Variants in DACH1 observed in about 807,000 individuals in gnomAD.
DACH1 encodes dachshund family transcription factor 1.
A neutral mutation model predicts 54.2 loss-of-function variants in DACH1; 12 were observed. The observed-to-expected ratio is 0.22, with a 90% confidence interval of 0.14 to 0.36. DACH1 has a LOEUF of 0.36. Ranked by LOEUF, DACH1 falls within the 10% of genes least tolerant of loss-of-function variation. DACH1 has a pLI of 1.00. For synonymous variants in DACH1, 386 were observed against 366.2 expected (o/e 1.05, Z -0.62); for missense variants, 805 against 929.8 (o/e 0.87, Z 1.75).
In DACH1 at chr13:71,805,066, C is replaced by A. The variant is rs548557295; in HGVS notation, c.848+60856G>T. ...TTTAGCTCTTCAATTATACTTGCCACATTTCAAGTGCTCAATACTCACATG... is the reference window on the plus strand; with the variant it reads ...TTTAGCTCTTCAATTATACTTGCCAAATTTCAAGTGCTCAATACTCACATG... On this transcript the variant is annotated intron_variant, in intron 1 of 10. Coordinates refer to ENST00000613252, the MANE Select transcript of DACH1 (RefSeq NM_080759.6). Among the ~76,000 whole-genome samples, 8 of 152,266 alleles carry A rather than the reference C, an allele frequency of 5.3e-5. No homozygotes were observed. The East Asian group carries it at 1.5e-3, about 29-fold the overall frequency.
intron 1 of DACH1, among the ~76,000 whole-genome samples, chr13:71,702,666 T>A (rs980644640): frequency 6.6e-6 from 1 of 152,104 alleles, no homozygotes; most frequent in Non-Finnish European, 1.5e-5. Flanking sequence ...AAACACATGA[T>A]AATAATTATC....
intron 1 of DACH1, among the ~76,000 whole-genome samples, chr13:71,836,970 G>C (rs2057587): frequency 0.064 from 9,689 of 151,768 alleles, 1,017 homozygotes; most frequent in African/African-American, 0.22. Flanking sequence ...AATATGCATT[G>C]AGTAGATAAA....
intron 1 of DACH1, among the ~76,000 whole-genome samples, chr13:71,809,738 A>G (rs1309474823): frequency 6.6e-6 from 1 of 152,182 alleles, no homozygotes; most frequent in Non-Finnish European, 1.5e-5. Context: ...ATTCTTCAAT[A>G]CCAGAACTAC....
chr13:71,621,940 T>C (rs1876275817), intron 3 of DACH1, among the ~76,000 whole-genome samples: 1 of 152,070 alleles, frequency 6.6e-6, no homozygotes, highest in South Asian at 2.1e-4. Flanking sequence ...TGTGTTTCCA[T>C]TATGACCTGC....
chr13:71,656,114 C>T (rs1736361534), intron 2 of DACH1, among the ~76,000 whole-genome samples: 1 of 152,084 alleles, frequency 6.6e-6, no homozygotes, highest in African/African-American at 2.4e-5. Context: ...ACTGGTCTTG[C>T]GTCTTTTTTT....
chr13:71,524,642 TA>T (rs879445202), intron 6 of DACH1, among the ~76,000 whole-genome samples: 2 of 151,950 alleles, frequency 1.3e-5, no homozygotes, highest in African/African-American at 4.8e-5. Flanking sequence ...ATGACAGAAA[TA>T]AAAAAAATGA....
intron 2 of DACH1, among the ~76,000 whole-genome samples, chr13:71,667,021 T>C (rs899812092): frequency 6.6e-6 from 1 of 151,970 alleles, no homozygotes; most frequent in African/African-American, 2.4e-5. Flanking sequence ...ATGAAGCAGC[T>C]GCAGATGTCA....
rs1468940569 is a variant in DACH1, at chr13:71,529,788, A to ATATTT, written c.1570+27231_1570+27235dup. ...CAAACAACCTCCATGTTGTTTGTGA[A>ATATTT]TATTTTATTTTTATTTTTGCCAAAG... On this transcript the variant is annotated intron_variant, in intron 6 of 10. Transcript: ENST00000613252. Among the ~76,000 whole-genome samples, 7 of 152,188 alleles carry ATATTT rather than the reference A, an allele frequency of 4.6e-5. No homozygotes were observed. In the East Asian group the frequency reaches 1.4e-3, roughly 29 times the overall value.
At chr13:71,639,516 CA>C (rs1222877797) in intron 2 of DACH1, among the ~76,000 whole-genome samples, 5 of 151,934 alleles carry the variant, frequency 3.3e-5, no homozygotes, top group African/African-American at 9.6e-5. Flanking sequence ...CTAACAACAA[CA>C]AAAAAACCCC....
At chr13:71,832,185 A>G (rs936366609) in intron 1 of DACH1, among the ~76,000 whole-genome samples, 18 of 152,108 alleles carry the variant, frequency 1.2e-4, no homozygotes, top group Admixed American at 9.2e-4. Context: ...CTAAATCCTG[A>G]CAAAGAGAAG....
At position 71,573,578 on chromosome 13, in the gene DACH1, G is replaced by T. The variant is rs1195121452; in HGVS notation, c.1127-566C>A. On this transcript the variant is annotated intron_variant, in intron 3 of 10. Transcript: ENST00000613252. ...CCCAGGAACCATCACTGCTGCCTGT[G>T]GGGAATGAATATAAATTACTTGGAT... is the stretch of plus-strand genomic sequence containing the variant. 3 of 525,652 alleles carry T rather than the reference G, an allele frequency of 5.7e-6. No individual in the cohort carries two copies. The African/African-American group carries it at 6.0e-5, about 11-fold the overall frequency. The allele number at this position is 525,652 out of a possible 1,614,324, so 32.6% of individuals were successfully genotyped here.
At chr13:71,604,306 A>C (rs1874722289) in intron 3 of DACH1, among the ~76,000 whole-genome samples, 1 of 152,014 alleles carries the variant, frequency 6.6e-6, no homozygotes, top group Non-Finnish European at 1.5e-5. Context: ...ATAAACATCA[A>C]ATCAAGTGAT....
intron 1 of DACH1, among the ~76,000 whole-genome samples, chr13:71,722,536 T>C (rs1288481333): frequency 1.3e-5 from 2 of 152,146 alleles, no homozygotes; most frequent in Non-Finnish European, 2.9e-5. Context: ...ACTTGAAAAC[T>C]ATCATCATAG....
chr13:71,843,057 C>T (rs1315434352), intron 1 of DACH1, among the ~76,000 whole-genome samples: 3 of 152,082 alleles, frequency 2.0e-5, no homozygotes, highest in African/African-American at 7.2e-5. Context: ...TGCTATCCTG[C>T]ATTATCTGAA....
chr13:71,779,106 TATATAC>T (rs1886196367), intron 1 of DACH1, among the ~76,000 whole-genome samples: 3 of 133,888 alleles, frequency 2.2e-5, no homozygotes, highest in African/African-American at 8.4e-5. Context: ...TGAATATATA[TATATAC>T]ATATATACAC....
chr13:71,670,546 C>T (rs1880146779), intron 2 of DACH1, among the ~76,000 whole-genome samples: 1 of 151,978 alleles, frequency 6.6e-6, no homozygotes, highest in Non-Finnish European at 1.5e-5. Context: ...CATTTCATAA[C>T]CAAATTTCAG....
chr13:71,769,631 G>A (rs1885772485), intron 1 of DACH1, among the ~76,000 whole-genome samples: 1 of 151,572 alleles, frequency 6.6e-6, no homozygotes, highest in Admixed American at 6.6e-5. Flanking sequence ...AAATCATCAA[G>A]TTATCAGCAT....
intron 2 of DACH1, among the ~76,000 whole-genome samples, chr13:71,668,333 T>C (rs181117841): frequency 8.5e-4 from 129 of 152,270 alleles, no homozygotes; most frequent in Non-Finnish European, 1.6e-3. Flanking sequence ...CCTGAAATTA[T>C]ATCCTTACAT....
At chr13:71,622,288 C>T (rs1876304315) in intron 3 of DACH1, among the ~76,000 whole-genome samples, 3 of 151,894 alleles carry the variant, frequency 2.0e-5, no homozygotes, top group African/African-American at 7.2e-5. Context: ...GAGTTATAAG[C>T]TTGTGTGCAC....
Sources: gnomAD v4.1 joint callset for allele counts (sites outside exome capture counted in the v4.1 genomes callset) on GRCh38, gnomAD v4.1.1 for gene constraint, MANE v1.5 for transcripts, NCBI Gene and HGNC (gene_info 2026-07-23, HGNC 2026-07-21) for gene names.